The following DAPK1 variants were observed in gnomAD, a reference collection of about 807,000 sequenced individuals.
DAPK1 encodes the protein death-associated protein kinase 1.
A neutral mutation model predicts 144.9 loss-of-function variants in DAPK1; 56 were observed. The ratio of observed to expected loss-of-function variants is 0.39; its 90% CI spans 0.31 to 0.48. The LOEUF is 0.48. DAPK1 is among the 20% of genes least tolerant of loss of function. The pLI, the probability that DAPK1 is intolerant of heterozygous loss-of-function variation, is 0.95. For synonymous variants in DAPK1, 690 were observed against 749.0 expected, an observed-to-expected ratio of 0.92 and a Z score of 1.29; for missense variants, 1,454 against 1,875.4, an observed-to-expected ratio of 0.78 and a Z score of 4.15.
At chr9:87,499,261 A>G (rs997595491) in intron 2 of DAPK1, 122 bp downstream of exon 2, 1 of 887,698 alleles carries the variant, frequency 1.1e-6, no homozygotes, top group South Asian at 1.5e-5. Context: ...GGAGATGCGC[A>G]AATCATAGAG....
Position 87,651,522 on chromosome 9 carries a change from T to C in DAPK1, c.1627-5T>C. On this transcript the variant is annotated splice_polypyrimidine_tract_variant and splice_region_variant and intron_variant, in intron 16 of 25. Coordinates refer to ENST00000408954, the MANE Select transcript of DAPK1 (RefSeq NM_004938.4). The stretch of plus-strand genomic sequence containing the variant: ...GCTCTCATGATCTCTGGGGTTTGTT[T>C]CCAGGACGGACACATTGCCCTTCAT... 1.2e-6 allele frequency: 2 copies of C among 1,614,088 alleles called. No individual in the cohort carries two copies. Among genetic ancestry groups the C allele is most frequent in the South Asian group, 2.2e-5 (2 of 91,076 alleles).
rs1473569460 is a variant in DAPK1, at chr9:87,686,571, C to T, written c.2245C>T (p.Leu749=). The change falls in exon 21 of 26, where the codon CTG becomes TTG. Residue 749 remains leucine, a synonymous_variant. Transcript: ENST00000408954. This position sits in a 1 kb window ranked among gnomAD's most constrained non-coding sequence, Gnocchi z 4.2. The part of the protein sequence containing the change: ...KPTVSVSINN[L]YPGCENVSVR... Reference sequence around the variant, plus strand: ...TGCAGTCTCAGTGAGCATCAACAACCTGTACCCAGGCTGCGAGAACGTGAG... The same window carrying T: ...TGCAGTCTCAGTGAGCATCAACAACTTGTACCCAGGCTGCGAGAACGTGAG... The T allele has an allele frequency of 6.4e-7, 1 of 1,572,996 alleles. No homozygotes were observed. Among genetic ancestry groups the T allele is most frequent in the Non-Finnish European group, 8.6e-7 (1 of 1,156,918 alleles).
intron 2 of DAPK1, among the ~76,000 whole-genome samples, chr9:87,515,194 T>G (rs990993029): frequency 2.0e-5 from 3 of 152,212 alleles, no homozygotes; most frequent in Admixed American, 2.0e-4. Flanking sequence ...ATAGTAAATA[T>G]GGTAAGCTTC....
At chr9:87,691,237 C>A (rs1375609501) in intron 21 of DAPK1, among the ~76,000 whole-genome samples, 1 of 151,914 alleles carries the variant, frequency 6.6e-6, no homozygotes, top group Non-Finnish European at 1.5e-5. Context: ...AATTATCTGT[C>A]TAGGAATTTA....
intron 2 of DAPK1, among the ~76,000 whole-genome samples, chr9:87,588,169 T>A (rs976417058): frequency 1.3e-5 from 2 of 152,234 alleles, no homozygotes; most frequent in Non-Finnish European, 2.9e-5. Context: ...CGCAGGAGAT[T>A]AAAATAATTT....
At chr9:87,660,292 C>G (rs1426561802) in intron 18 of DAPK1, among the ~76,000 whole-genome samples, 1 of 151,928 alleles carries the variant, frequency 6.6e-6, no homozygotes, top group African/African-American at 2.4e-5. Flanking sequence ...TCCGCAGGGC[C>G]GGGGAGACCC....
intron 2 of DAPK1, among the ~76,000 whole-genome samples, chr9:87,560,420 T>G (rs1365529589): frequency 6.6e-6 from 1 of 152,232 alleles, no homozygotes; most frequent in African/African-American, 2.4e-5. Flanking sequence ...TATATCACAT[T>G]GTTGCGTGAC....
chr9:87,706,179 C>T lies in DAPK1; in HGVS notation c.3108C>T (p.Asp1036=). 1 of 1,609,686 alleles carries T rather than the reference C, an allele frequency of 6.2e-7. No homozygotes were observed. Among genetic ancestry groups the T allele is most frequent in the East Asian group, 2.2e-5 (1 of 44,776 alleles). The part of the protein sequence containing the change: ...SETVQDVLLL[D]PRWLCTNVLG... ...CAGTTCAGGACGTGCTGCTCCTGGA[C>T]CCCCGCTGGCTCTGCACAAACGTCC... Residue 1036 remains aspartate (D), a synonymous_variant, in exon 26 of 26, where the codon GAC becomes GAT. Transcript: ENST00000408954. This position sits in a 1 kb window ranked among gnomAD's most constrained non-coding sequence, Gnocchi z 9.0.
intron 2 of DAPK1, among the ~76,000 whole-genome samples, chr9:87,595,470 A>G (rs1828280750): frequency 6.6e-6 from 1 of 152,142 alleles, no homozygotes; most frequent in Non-Finnish European, 1.5e-5. Context: ...GAAGGCACCC[A>G]CTGCTATCTT....
intron 2 of DAPK1, among the ~76,000 whole-genome samples, chr9:87,582,679 C>T (rs754641053): frequency 1.1e-4 from 17 of 151,768 alleles, no homozygotes; most frequent in African/African-American, 2.2e-4. Flanking sequence ...CTCAGCTTCC[C>T]GAGTAGCTGG....
intron 1 of DAPK1, chr9:87,498,696 C>T (rs1219271805): frequency 2.5e-6 from 1 of 402,802 alleles, no homozygotes; most frequent in African/African-American, 2.0e-5. Flanking sequence ...CCAGTCACTT[C>T]CGGAGCCGGT....
chr9:87,569,897 G>A (rs2104729), intron 2 of DAPK1, among the ~76,000 whole-genome samples: 43,582 of 151,990 alleles, frequency 0.29, 6,611 homozygotes, highest in East Asian at 0.49. Context: ...AAAGTTTTAG[G>A]TATTATTTTC....
At chr9:87,656,298 G>C (rs768051034) in intron 17 of DAPK1, among the ~76,000 whole-genome samples, 20 of 152,138 alleles carry the variant, frequency 1.3e-4, no homozygotes, top group Non-Finnish European at 2.6e-4. Context: ...GGGTCCAGGT[G>C]TGGCAGACCT....
intron 2 of DAPK1, among the ~76,000 whole-genome samples, chr9:87,547,540 G>A (rs1590858): frequency 0.76 from 116,212 of 151,968 alleles, 45,372 homozygotes; most frequent in African/African-American, 0.93. Context: ...AGGATTCTCC[G>A]GAGAAACAGA....
At position 87,638,418 on chromosome 9, in the gene DAPK1, G is replaced by A. The variant is rs36211023; in HGVS notation, c.423+337G>A. Among the ~76,000 whole-genome samples the A allele has an allele frequency of 1.1e-3, 162 of 152,274 alleles. No individual in the cohort carries two copies. The East Asian group carries it at 0.021, about 20-fold the overall frequency. ...TGGTTCCTTCTGTGGCTCTGGGCAT[G>A]TTAAGATAGAAAATGTGTTGAGTGA... is the stretch of plus-strand genomic sequence containing the variant. On this transcript the variant is annotated intron_variant, in intron 4 of 25. Coordinates refer to ENST00000408954, the MANE Select transcript of DAPK1 (RefSeq NM_004938.4).
chr9:87,637,886 G>A, intron 3 of DAPK1, 57 bp from the exon 4 acceptor site: 1 of 1,583,230 alleles, frequency 6.3e-7, no homozygotes, highest in Non-Finnish European at 8.6e-7. Flanking sequence ...GTCTATGAGA[G>A]AAGGAATCAA....
chr9:87,572,727 G>T (rs1175027989), intron 2 of DAPK1, among the ~76,000 whole-genome samples: 1 of 152,126 alleles, frequency 6.6e-6, no homozygotes, highest in East Asian at 1.9e-4. Context: ...AGATGCCAGT[G>T]CCATGCTTAT....
At chr9:87,704,520 C>T (rs1008792774) in intron 25 of DAPK1, among the ~76,000 whole-genome samples, 2 of 152,200 alleles carry the variant, frequency 1.3e-5, no homozygotes, top group African/African-American at 4.8e-5. Context: ...TGCAGATCTT[C>T]AGAACTCCCC....
chr9:87,641,224 G>A (rs112271562), intron 9 of DAPK1, among the ~76,000 whole-genome samples: 9 of 152,348 alleles, frequency 5.9e-5, no homozygotes, highest in Non-Finnish European at 1.0e-4. Flanking sequence ...TGCTGACACT[G>A]AGCCCTCATT....
Sources: allele counts gnomAD v4.1 joint callset (sites outside exome capture counted in the v4.1 genomes callset), GRCh38; gene constraint gnomAD v4.1.1; non-coding constraint Gnocchi (gnomAD v3.1); transcripts MANE v1.5; gene names NCBI Gene and HGNC (gene_info 2026-07-23, HGNC 2026-07-21).